The following AUH variants were observed in gnomAD, a reference collection of about 807,000 sequenced individuals.
The protein encoded by AUH is methylglutaconyl-CoA hydratase, mitochondrial.
Under a neutral mutation model 42.3 loss-of-function variants are expected in AUH, and 29 were observed. That is an observed-to-expected ratio of 0.69 (90% confidence interval 0.51 to 0.93). AUH has a LOEUF of 0.93. Among genes scored for constraint, AUH ranks in the 40% least tolerant of loss-of-function variants. The probability of loss-of-function intolerance (pLI) is 0.00; values close to 1 mark genes in which losing one functional copy is unlikely to be tolerated. For synonymous variants in AUH, 174 were observed against 166.4 expected, an observed-to-expected ratio of 1.05 and a Z score of -0.35; for missense variants, 452 against 438.1, an observed-to-expected ratio of 1.03 and a Z score of -0.28.
At chr9:91,254,874 T>A (rs149347170) in intron 6 of AUH, among the ~76,000 whole-genome samples, 2,239 of 152,322 alleles carry the variant, frequency 0.015, 28 homozygotes, top group South Asian at 0.069. Flanking sequence ...TCAGTTTCCA[T>A]ATTTTTGATA....
chr9:91,258,266 A>G (rs1432387502), intron 6 of AUH, among the ~76,000 whole-genome samples: 1 of 151,966 alleles, frequency 6.6e-6, no homozygotes, highest in Admixed American at 6.6e-5. Context: ...TCACTCTTAT[A>G]CTCTTGTAGC....
chr9:91,293,726 T>C (rs1180629618), intron 6 of AUH, among the ~76,000 whole-genome samples: 1 of 152,188 alleles, frequency 6.6e-6, no homozygotes, highest in Non-Finnish European at 1.5e-5. Context: ...ATCCAGAAGA[T>C]CTAGCTAAGA....
At chr9:91,270,362 G>C (rs1293863980) in intron 6 of AUH, among the ~76,000 whole-genome samples, 6 of 152,192 alleles carry the variant, frequency 3.9e-5, no homozygotes, top group Admixed American at 1.3e-4. Context: ...CAAAGAGAAA[G>C]GAGGTGGAGG....
intron 6 of AUH, among the ~76,000 whole-genome samples, chr9:91,243,350 AATT>A (rs961591592): frequency 1.3e-5 from 2 of 152,238 alleles, no homozygotes; most frequent in Non-Finnish European, 2.9e-5. Flanking sequence ...AGGAAAAATG[AATT>A]ATTACCTATC....
At chr9:91,332,049 T>A (rs748064151) in intron 3 of AUH, among the ~76,000 whole-genome samples, 3 of 152,240 alleles carry the variant, frequency 2.0e-5, no homozygotes, top group African/African-American at 7.2e-5. Flanking sequence ...TATGCTGACA[T>A]TTGAAATTTT....
chr9:91,298,023 C>G lies in AUH; in HGVS notation c.559G>C (p.Gly187Arg). 1.2e-6 allele frequency: 2 copies of G among 1,613,940 alleles called. No individual in the cohort carries two copies. Among genetic ancestry groups the G allele is most frequent in the Non-Finnish European group, 1.7e-6 (2 of 1,179,844 alleles). Residue 187 changes from glycine (G) to arginine (R), a missense_variant, in exon 5 of 10, where the codon GGT becomes CGT. Physicochemically the swap from Gly to Arg is moderately radical, Grantham distance 125. Transcript: ENST00000375731. ...AAIDGLALGG[G>R]LELALACDIR... is the part of the protein sequence containing the mutation. ...TCACAGGCTAAAGCCAGTTCAAGAC[C>G]ACCACCTAAAGCGAGTCCATCTATT... is the stretch of plus-strand genomic sequence containing the variant.
At position 91,237,068 on chromosome 9, in the gene AUH, G is replaced by T. The variant is rs533467721; in HGVS notation, c.656-16076C>A. 3.3e-5 allele frequency among the ~76,000 whole-genome samples: 5 copies of T among 152,320 alleles called. No homozygotes were observed. In the East Asian group the frequency reaches 7.7e-4, roughly 24 times the overall value. Reference sequence around the variant, plus strand: ...GGGGATACGTGTATGTGCAGAAAATGAATCTATCAGCTACAGATTATGTTT... The same window carrying T: ...GGGGATACGTGTATGTGCAGAAAATTAATCTATCAGCTACAGATTATGTTT... On this transcript the variant is annotated intron_variant, in intron 6 of 9. Coordinates refer to ENST00000375731, the MANE Select transcript of AUH (RefSeq NM_001698.3).
intron 6 of AUH, among the ~76,000 whole-genome samples, chr9:91,276,167 G>T (rs1481957284): frequency 6.6e-6 from 1 of 152,132 alleles, no homozygotes; most frequent in Non-Finnish European, 1.5e-5. Context: ...GGTGGCTCAT[G>T]CCTATAATCT....
At chr9:91,275,262 G>C (rs1196766711) in intron 6 of AUH, among the ~76,000 whole-genome samples, 2 of 152,206 alleles carry the variant, frequency 1.3e-5, no homozygotes, top group Non-Finnish European at 2.9e-5. Context: ...AGGCAGCCCT[G>C]CTCCAGGGCT....
At chr9:91,237,718 T>C (rs1469016378) in intron 6 of AUH, among the ~76,000 whole-genome samples, 3 of 152,292 alleles carry the variant, frequency 2.0e-5, no homozygotes, top group Admixed American at 1.3e-4. Flanking sequence ...GGCTGTGAAG[T>C]CCTTTTGACA....
At chr9:91,236,398 A>G (rs906361905) in intron 6 of AUH, among the ~76,000 whole-genome samples, 1 of 152,214 alleles carries the variant, frequency 6.6e-6, no homozygotes, top group African/African-American at 2.4e-5. Flanking sequence ...CTCCAAGAGT[A>G]TTCACTCATT....
intron 4 of AUH, among the ~76,000 whole-genome samples, chr9:91,319,116 G>A (rs567439116): frequency 2.1e-4 from 32 of 151,666 alleles, no homozygotes; most frequent in African/African-American, 7.0e-4. Context: ...TTTGTAATAC[G>A]TATTGTTAAA....
chr9:91,359,922 AGTC>A (rs1315257572), intron 1 of AUH, among the ~76,000 whole-genome samples: 1 of 151,966 alleles, frequency 6.6e-6, no homozygotes, highest in African/African-American at 2.4e-5. Context: ...GCCAAGCCTG[AGTC>A]GTCATTCTTG....
chr9:91,223,916 G>A (rs186625942), intron 6 of AUH, among the ~76,000 whole-genome samples: 57 of 152,288 alleles, frequency 3.7e-4, no homozygotes, highest in Admixed American at 3.0e-3. Flanking sequence ...TTCAAAAAAA[G>A]TATCAAAGAA....
At chr9:91,303,101 T>C (rs960180392) in intron 4 of AUH, among the ~76,000 whole-genome samples, 3 of 152,210 alleles carry the variant, frequency 2.0e-5, no homozygotes, top group Non-Finnish European at 2.9e-5. Flanking sequence ...TTAAACAGTT[T>C]GCTATTTTAA....
At chr9:91,345,067 A>C (rs1831391799) in intron 3 of AUH, among the ~76,000 whole-genome samples, 1 of 152,094 alleles carries the variant, frequency 6.6e-6, no homozygotes, top group East Asian at 1.9e-4. Flanking sequence ...ACCCTGATGA[A>C]CTGCATCTGT....
chr9:91,282,003 T>C (rs1383841205), intron 6 of AUH, among the ~76,000 whole-genome samples: 1 of 152,134 alleles, frequency 6.6e-6, no homozygotes. Flanking sequence ...TGAGCCCCCT[T>C]CTCACTCAGG....
intron 3 of AUH, 119 bp downstream of exon 3, chr9:91,355,760 CACAG>C (rs1216141707): frequency 2.1e-5 from 17 of 826,784 alleles, no homozygotes; most frequent in Non-Finnish European, 3.4e-5. Context: ...ATCAGTAAAA[CACAG>C]ACAAAGAGGA....
intron 3 of AUH, among the ~76,000 whole-genome samples, chr9:91,353,872 A>G (rs555619017): frequency 5.3e-5 from 8 of 150,760 alleles, no homozygotes; most frequent in African/African-American, 1.9e-4. Flanking sequence ...CAGCTTATAA[A>G]TGTAAATACA....
Sources: gnomAD v4.1 joint callset for allele counts (sites outside exome capture counted in the v4.1 genomes callset) on GRCh38, gnomAD v4.1.1 for gene constraint, MANE v1.5 for transcripts, NCBI Gene and HGNC (gene_info 2026-07-23, HGNC 2026-07-21) for gene names.